Variants in ACE observed in about 807,000 individuals in gnomAD.
The protein encoded by ACE is angiotensin I converting enzyme.
ACE carries 122 observed loss-of-function variants against 162.3 expected under a neutral mutation model. The ratio of observed to expected loss-of-function variants is 0.75; its 90% CI spans 0.65 to 0.87. The LOEUF (loss-of-function observed/expected upper bound fraction) is 0.87, where lower values mean the gene tolerates loss of function less well. Ranked by LOEUF, ACE falls within the 40% of genes least tolerant of loss-of-function variation. The probability of loss-of-function intolerance (pLI) is 0.00; values close to 1 mark genes in which losing one functional copy is unlikely to be tolerated. For synonymous variants in ACE, 796 were observed against 720.6 expected (o/e 1.10, Z -1.68); for missense variants, 1,799 against 1,735.1 (o/e 1.04, Z -0.65).
Position 63,482,466 on chromosome 17 carries a change from G to A in ACE, c.1119G>A (p.Arg373=), listed in dbSNP as rs189243320. 1 of 1,613,808 alleles carries A rather than the reference G, an allele frequency of 6.2e-7. No individual in the cohort carries two copies. Among genetic ancestry groups the A allele is most frequent in the Non-Finnish European group, 8.5e-7 (1 of 1,179,950 alleles). The part of the protein sequence containing the change: ...AWDFYNRKDF[R]IKQCTRVTMD... The stretch of plus-strand genomic sequence containing the variant: ...CACCCTCGCCCTCTCTACGCCCCAG[G>A]ATCAAGCAGTGCACACGGGTCACGA... The change falls in exon 8 of 25, where the codon AGG becomes AGA. Residue 373 remains arginine, a splice_region_variant and synonymous_variant. Coordinates refer to ENST00000290866, the MANE Select transcript of ACE (RefSeq NM_000789.4).
chr17:63,478,923 G>C lies in ACE; in HGVS notation c.418-84G>C. The C allele has an allele frequency of 6.7e-6, 8 of 1,194,240 alleles. No homozygotes were observed. The South Asian group carries it at 1.0e-4, about 15-fold the overall frequency. 74.0% of individuals were successfully genotyped at this position (1,194,240 alleles called of 1,614,324 possible). A position where few individuals can be genotyped will look rare whatever the true frequency, so the allele number is the denominator to read the frequency against. ...GCCTTGTCCAAGCTACATCCACTCT[G>C]TGGGCTCCTCCTTCTAGCAGCGAGG... is the stretch of plus-strand genomic sequence containing the variant. On this transcript the variant is annotated intron_variant, in intron 2 of 24. Coordinates refer to ENST00000290866, the MANE Select transcript of ACE (RefSeq NM_000789.4).
chr17:63,494,528 C>G, intron 22 of ACE, 58 bp downstream of exon 22: 1 of 1,477,392 alleles, frequency 6.8e-7, no homozygotes, highest in South Asian at 1.2e-5. Flanking sequence ...CTTTGTGTTT[C>G]AACTGCGGCC....
In ACE at chr17:63,487,032, C is replaced by T. The variant is rs200503880; in HGVS notation, c.2264C>T (p.Thr755Ile). The change falls in exon 15 of 25, where the codon ACT (threonine) becomes ATT (isoleucine). Residue 755 changes from threonine (T) to isoleucine (I), a missense_variant. By Grantham distance (89) the Thr-to-Ile change is moderately conservative (BLOSUM62 -1). Coordinates refer to ENST00000290866, the MANE Select transcript of ACE (RefSeq NM_000789.4). ...LDMETTYSVATVCHPNGSCLQ... is the reference protein window; with the variant it reads ...LDMETTYSVAIVCHPNGSCLQ... ...ATGGAAACCACCTACAGCGTGGCCA[C>T]TGTGTGCCACCCGAATGGCAGCTGC... 6.2e-7 allele frequency: 1 copy of T among 1,613,908 alleles called. No homozygotes were observed. The highest frequency in any genetic ancestry group is 8.5e-7 in the Non-Finnish European group (1 of 1,180,024).
chr17:63,478,609 G>C, intron 2 of ACE: 1 of 353,130 alleles, frequency 2.8e-6, no homozygotes, highest in Non-Finnish European at 5.5e-6. Context: ...GCTACAGTGA[G>C]CTGTGATTGC....
At chr17:63,482,755 C>G in intron 8 of ACE, 66 bp downstream of exon 8, 1 of 1,511,574 alleles carries the variant, frequency 6.6e-7, no homozygotes, top group Non-Finnish European at 9.1e-7. Flanking sequence ...ACAGCAGGAC[C>G]TCACTTGCCC....
chr17:63,494,127 TG>T, intron 21 of ACE, 61 bp downstream of exon 21: 1 of 1,606,570 alleles, frequency 6.2e-7, no homozygotes, highest in Non-Finnish European at 8.5e-7. Context: ...TGCATGTGCC[TG>T]GGTGTCTGGA....
chr17:63,494,530 A>G (rs1387842108), intron 22 of ACE, 60 bp downstream of exon 22: 8 of 1,428,642 alleles, frequency 5.6e-6, no homozygotes, highest in African/African-American at 2.8e-5. Context: ...TTGTGTTTCA[A>G]CTGCGGCCAC....
At chr17:63,487,776 C>G (rs549585075) in intron 15 of ACE, among the ~76,000 whole-genome samples, 1 of 152,318 alleles carries the variant, frequency 6.6e-6, no homozygotes, top group South Asian at 2.1e-4. Context: ...AAACTTGCTT[C>G]CATGAGGAAT....
At position 63,493,494 on chromosome 17, in the gene ACE, G is replaced by A. The variant is rs756019276; in HGVS notation, c.2971G>A (p.Gly991Ser). The change falls in exon 20 of 25, where the codon GGC (glycine) becomes AGC (serine). Residue 991 changes from glycine (G) to serine (S), a missense_variant. Gly to Ser is a moderately conservative substitution (Grantham distance 56). Coordinates refer to ENST00000290866, the MANE Select transcript of ACE (RefSeq NM_000789.4). The stretch of plus-strand genomic sequence containing the variant: ...CCTGGTGGTGGCCCACCACGAAATG[G>A]GCCACATCCAGTATTTCATGCAGTA... ...EDLVVAHHEM[G>S]HIQYFMQYKD... The A allele has an allele frequency of 6.2e-7, 1 of 1,614,032 alleles. No homozygotes were observed. The highest frequency in any genetic ancestry group is 1.3e-5 in the African/African-American group (1 of 74,998).
rs2049727227 is a variant in ACE, at chr17:63,482,530, A to G, written c.1183A>G (p.Ile395Val). Residue 395 changes from isoleucine to valine, a missense_variant, in exon 8 of 25, where the codon ATA (isoleucine) becomes GTA (valine). Physicochemically the swap from Ile to Val is conservative, Grantham distance 29. Transcript: ENST00000290866. Reference sequence around the variant, plus strand: ...CACAGTGCACCATGAGATGGGCCATATACAGTACTACCTGCAGTACAAGGA... The same window carrying G: ...CACAGTGCACCATGAGATGGGCCATGTACAGTACTACCTGCAGTACAAGGA... ...LSTVHHEMGH[I>V]QYYLQYKDLP... 1.9e-6 allele frequency: 3 copies of G among 1,614,098 alleles called. No individual in the cohort carries two copies.
intron 17 of ACE, 120 bp from the exon 18 acceptor site, chr17:63,490,834 T>G: frequency 4.1e-6 from 4 of 963,908 alleles, no homozygotes; most frequent in Non-Finnish European, 5.0e-6. Context: ...CAGTAGGTGC[T>G]CAAGAAATGC....
chr17:63,484,257 C>T lies in ACE; in HGVS notation c.1710-73C>T, dbSNP rs2029861965. On this transcript the variant is annotated intron_variant, in intron 11 of 24. Coordinates refer to ENST00000290866, the MANE Select transcript of ACE (RefSeq NM_000789.4). This position sits in a 1 kb window ranked among gnomAD's most constrained non-coding sequence, Gnocchi z 4.0. ...ATTGGGGGGCGGAAGTGGCCAGGGG[C>T]ATGTGGGCCGGGGTCCAGGAGCAGA... 1.3e-6 allele frequency: 2 copies of T among 1,496,486 alleles called. No individual in the cohort carries two copies. The highest frequency in any genetic ancestry group is 1.8e-6 in the Non-Finnish European group (2 of 1,105,376). The allele number at this position is 1,496,486 out of a possible 1,614,324, so 92.7% of individuals were successfully genotyped here.
At position 63,483,567 on chromosome 17, in the gene ACE, G is replaced by GCGGGGGGGGCCCCCCCCC; in HGVS notation, c.1586+10_1586+11insGGGGGGGGCCCCCCCCCC. Reference sequence around the variant, plus strand: ...GTGACACCATACATCAGGTATTAGCGCCCCCACCCCACCCACCCCCAGTAC... The same window carrying GCGGGGGGGGCCCCCCCCC: ...GTGACACCATACATCAGGTATTAGCGCGGGGGGGGCCCCCCCCCCCCCCACCCCACCCACCCCCAGTAC... On this transcript the variant is annotated intron_variant, in intron 10 of 24. Transcript: ENST00000290866. The GCGGGGGGGGCCCCCCCCC allele has an allele frequency of 1.3e-6, 2 of 1,589,348 alleles. No individual in the cohort carries two copies. Among genetic ancestry groups the GCGGGGGGGGCCCCCCCCC allele is most frequent in the Non-Finnish European group, 1.7e-6 (2 of 1,165,554 alleles).
At position 63,497,607 on chromosome 17, in the gene ACE, T is replaced by C. The variant is rs898336690; in HGVS notation, c.*241T>C. The C allele has an allele frequency of 2.3e-5, 16 of 693,636 alleles. No individual in the cohort carries two copies. In the African/African-American group the frequency reaches 2.6e-4, roughly 11 times the overall value. The allele number at this position is 693,636 out of a possible 1,614,324, so 43.0% of individuals were successfully genotyped here. ...GTCTCTCTGTGAATACAATTAAAGGTCCTGCCCTCCCCATCTGAGTCTGTG... is the reference window on the plus strand; with the variant it reads ...GTCTCTCTGTGAATACAATTAAAGGCCCTGCCCTCCCCATCTGAGTCTGTG... On this transcript the variant is annotated 3_prime_UTR_variant, in exon 25 of 25. Coordinates refer to ENST00000290866, the MANE Select transcript of ACE (RefSeq NM_000789.4).
In ACE at chr17:63,479,791, C is replaced by T. The variant is rs1345282348; in HGVS notation, c.534C>T (p.Ser178=). 3 of 1,613,416 alleles carry T rather than the reference C, an allele frequency of 1.9e-6. No individual in the cohort carries two copies. Among genetic ancestry groups the T allele is most frequent in the Non-Finnish European group, 2.5e-6 (3 of 1,180,038 alleles). Residue 178 remains serine, a synonymous_variant, in exon 4 of 25, where the codon TCC becomes TCT. Coordinates refer to ENST00000290866, the MANE Select transcript of ACE (RefSeq NM_000789.4). The part of the protein sequence containing the change: ...LDPDLTNILA[S]SRSYAMLLFA... ...CAGATCTCACCAACATCCTGGCTTC[C>T]TCGCGAAGCTACGCCATGCTCCTGT...
intron 5 of ACE, among the ~76,000 whole-genome samples, chr17:63,480,756 G>A (rs1450659079): frequency 6.6e-6 from 1 of 152,218 alleles, no homozygotes; most frequent in Non-Finnish European, 1.5e-5. Flanking sequence ...AGAGCTAGGG[G>A]CCAAACCAAA....
In ACE at chr17:63,477,960, T is replaced by A. The variant is rs1407901466; in HGVS notation, c.279T>A (p.Phe93Leu). 2 of 1,612,196 alleles carry A rather than the reference T, an allele frequency of 1.2e-6. No individual in the cohort carries two copies. Among genetic ancestry groups the A allele is most frequent in the Non-Finnish European group, 1.7e-6 (2 of 1,179,462 alleles). Residue 93 changes from phenylalanine (F) to leucine (L), a missense_variant, in exon 2 of 25, where the codon TTT (phenylalanine) becomes TTA (leucine). Coordinates refer to ENST00000290866, the MANE Select transcript of ACE (RefSeq NM_000789.4). ...AAGCAGCCCTGCTCAGCCAGGAGTT[T>A]GCGGAGGCCTGGGGCCAGAAGGCCA... The part of the protein sequence containing the change: ...QEEAALLSQE[F>L]AEAWGQKAKE...
rs540948069 is a variant in ACE, at chr17:63,483,578, A to G, written c.1586+20A>G. 3.7e-6 allele frequency: 3 copies of G among 800,416 alleles called. No individual in the cohort carries two copies. Among genetic ancestry groups the G allele is most frequent in the South Asian group, 1.9e-5 (1 of 52,860 alleles). The allele number at this position is 800,416 out of a possible 1,614,324, so 49.6% of individuals were successfully genotyped here. On this transcript the variant is annotated intron_variant, in intron 10 of 24. Coordinates refer to ENST00000290866, the MANE Select transcript of ACE (RefSeq NM_000789.4). ...CATCAGGTATTAGCGCCCCCACCCCACCCACCCCCAGTACTGTCACACCCT... is the reference window on the plus strand; with the variant it reads ...CATCAGGTATTAGCGCCCCCACCCCGCCCACCCCCAGTACTGTCACACCCT...
At position 63,484,471 on chromosome 17, in the gene ACE, C is replaced by T. The variant is rs773951841; in HGVS notation, c.1851C>T (p.Asn617=). 1.4e-5 allele frequency: 23 copies of T among 1,611,386 alleles called. No homozygotes were observed. Among genetic ancestry groups the T allele is most frequent in the East Asian group, 8.9e-5 (4 of 44,860 alleles). Residue 617 remains asparagine (N), a synonymous_variant, in exon 12 of 25, where the codon AAC becomes AAT. Coordinates refer to ENST00000290866, the MANE Select transcript of ACE (RefSeq NM_000789.4). The surrounding 1 kb of genome is among the most constrained non-coding windows in gnomAD (Gnocchi z 4.0). The part of the protein sequence containing the change: ...TQWLQEQNQQ[N]GEVLGWPEYQ... ...GGCTGCAGGAGCAGAACCAGCAGAA[C>T]GGCGAGGTCCTGGGCTGGCCCGAGT...
Sources: allele counts gnomAD v4.1 joint callset (sites outside exome capture counted in the v4.1 genomes callset), GRCh38; gene constraint gnomAD v4.1.1; non-coding constraint Gnocchi (gnomAD v3.1); transcripts MANE v1.5; gene names NCBI Gene and HGNC (gene_info 2026-07-23, HGNC 2026-07-21).